The following FMO5 variants were observed in gnomAD, a reference collection of about 807,000 sequenced individuals.
The protein encoded by FMO5 is flavin-containing monooxygenase 5.
FMO5 carries 51 observed loss-of-function variants against 43.6 expected under a neutral mutation model. The observed-to-expected ratio is 1.17, with a 90% CI of 0.93 to 1.48. The LOEUF is 1.48. Ranked by LOEUF, FMO5 falls within the 40% of genes most tolerant of loss-of-function variation. The pLI is 0.00. For missense variants in FMO5, 644 were observed against 643.0 expected (o/e 1.00, Z -0.02); for synonymous variants, 187 against 216.5 (o/e 0.86, Z 1.20).
Position 147,190,222 on chromosome 1 carries a change from T to G in FMO5, c.1211A>C (p.Glu404Ala), listed in dbSNP as rs922635792. The G allele has an allele frequency of 2.5e-6, 4 of 1,611,562 alleles. No individual in the cohort carries two copies. Among genetic ancestry groups the G allele is most frequent in the Non-Finnish European group, 3.4e-6 (4 of 1,178,294 alleles). ...KGLKTLPSQS[E>A]MMAEISKAQE... is the part of the protein sequence containing the mutation. The stretch of plus-strand genomic sequence containing the variant: ...AGCTTTAGATATTTCTGCCATCATT[T>G]CACTCTGTGAGGGCAATGTCTTTAG... Residue 404 changes from glutamate to alanine, a missense_variant, in exon 8 of 9, where the codon GAA becomes GCA. Glu to Ala is a moderately radical substitution (Grantham distance 107, BLOSUM62 -1). Transcript: ENST00000254090.
chr1:147,193,528 T>A (rs1179432954), intron 7 of FMO5, among the ~76,000 whole-genome samples: 1 of 152,178 alleles, frequency 6.6e-6, no homozygotes, highest in Non-Finnish European at 1.5e-5. Flanking sequence ...CTGATTTTAG[T>A]TATTTCTTGC....
intron 6 of FMO5, among the ~76,000 whole-genome samples, chr1:147,206,359 C>T (rs587744204): frequency 1.2e-3 from 184 of 152,198 alleles, no homozygotes; most frequent in African/African-American, 3.8e-3. Flanking sequence ...GACAGTGTGG[C>T]GATTCCTCAA....
intron 7 of FMO5, among the ~76,000 whole-genome samples, chr1:147,198,162 A>G (rs1402600458): frequency 6.6e-6 from 1 of 152,212 alleles, no homozygotes; most frequent in Admixed American, 6.5e-5. Context: ...ATAACTGGAA[A>G]TTGGCTAAGG....
intron 5 of FMO5, among the ~76,000 whole-genome samples, chr1:147,209,292 G>A (rs895393445): frequency 5.9e-5 from 9 of 152,016 alleles, no homozygotes; most frequent in African/African-American, 2.2e-4. Context: ...CAAAAAATTA[G>A]CCAGGCGTGG....
At chr1:147,197,746 A>G (rs1331625877) in intron 7 of FMO5, among the ~76,000 whole-genome samples, 1 of 152,172 alleles carries the variant, frequency 6.6e-6, no homozygotes, top group African/African-American at 2.4e-5. Flanking sequence ...ACTCAGCCTC[A>G]GGCAGTTCTT....
chr1:147,209,282 C>T (rs1484220138), intron 5 of FMO5, among the ~76,000 whole-genome samples: 1 of 151,892 alleles, frequency 6.6e-6, no homozygotes, highest in Admixed American at 6.6e-5. Flanking sequence ...ACTAAAAATA[C>T]AAAAAATTAG....
At chr1:147,194,931 G>A (rs149166812) in intron 7 of FMO5, among the ~76,000 whole-genome samples, 27,528 of 151,708 alleles carry the variant, frequency 0.18, 3,165 homozygotes, top group South Asian at 0.26. Context: ...CTCTCTGGCT[G>A]CCCTTAACAT....
rs782444225 is a variant in FMO5, at chr1:147,190,183, T to C, written c.1250A>G (p.Asp417Gly). ...AEISKAQEEI[D>G]KRYVESQRHT... is the part of the protein sequence containing the mutation. ...TCCTGGGAGAGTTTCTTACCTTTTG[T>C]CAATTTCCTCTTGAGCTTTAGATAT... Residue 417 changes from aspartate to glycine, a missense_variant, in exon 8 of 9, where the codon GAC becomes GGC. Transcript: ENST00000254090. 1.2e-6 allele frequency: 2 copies of C among 1,606,514 alleles called. No homozygotes were observed. The highest frequency in any genetic ancestry group is 4.5e-5 in the East Asian group (2 of 44,722).
intron 2 of FMO5, among the ~76,000 whole-genome samples, chr1:147,216,658 C>T (rs893717468): frequency 6.6e-6 from 1 of 152,110 alleles, no homozygotes; most frequent in Non-Finnish European, 1.5e-5. Flanking sequence ...ATGAGACAAG[C>T]TAAATGCCCA....
At chr1:147,204,851 C>T (rs993594193) in intron 6 of FMO5, 1 of 1,601,824 alleles carries the variant, frequency 6.2e-7, no homozygotes, top group African/African-American at 1.3e-5. Flanking sequence ...CTATACACAG[C>T]CTCTTCTAAT....
intron 6 of FMO5, chr1:147,203,153 A>G (rs1553921433): frequency 9.1e-6 from 5 of 551,318 alleles, no homozygotes; most frequent in Non-Finnish European, 9.4e-6. Flanking sequence ...TTATTATAAC[A>G]TCCAGCCAAG....
chr1:147,193,870 G>A (rs1657409418), intron 7 of FMO5, among the ~76,000 whole-genome samples: 1 of 152,144 alleles, frequency 6.6e-6, no homozygotes, highest in Admixed American at 6.5e-5. Flanking sequence ...TGGTCTGAGA[G>A]ACAGTTTGTT....
At chr1:147,215,451 C>A in intron 3 of FMO5, 1 of 275,074 alleles carries the variant, frequency 3.6e-6, no homozygotes, top group Non-Finnish European at 6.8e-6. Flanking sequence ...CAGTTCCCTT[C>A]TGTAATGGGG....
At chr1:147,204,340 T>C in intron 6 of FMO5, 1 of 991,300 alleles carries the variant, frequency 1.0e-6, no homozygotes, top group Non-Finnish European at 1.6e-6. Flanking sequence ...GTTATCAACT[T>C]TGAAATGGCC....
rs1355574589 is a variant in FMO5, at chr1:147,225,309, A to G, written c.-60T>C. 4 of 555,960 alleles carry G rather than the reference A, an allele frequency of 7.2e-6. No individual in the cohort carries two copies. Among genetic ancestry groups the G allele is most frequent in the Non-Finnish European group, 1.1e-5 (4 of 353,556 alleles). The allele number at this position is 555,960 out of a possible 1,614,324, so 34.4% of individuals were successfully genotyped here. Reference sequence around the variant, plus strand: ...CACCGCCTTTCCTGAAGCGCTCAACAGATCCTTCAGCTGCGATCTGGAGGA... The same window carrying G: ...CACCGCCTTTCCTGAAGCGCTCAACGGATCCTTCAGCTGCGATCTGGAGGA... On this transcript the variant is annotated 5_prime_UTR_variant, in exon 1 of 9. Coordinates refer to ENST00000254090, the MANE Select transcript of FMO5 (RefSeq NM_001461.4).
chr1:147,224,030 G>T lies in FMO5; in HGVS notation c.135+865C>A, dbSNP rs587717981. ...GACTCAGCTGGTGGTGATTGCACAC[G>T]ATGCGGATCCCATCGAGCTGGTTGT... On this transcript the variant is annotated intron_variant, in intron 2 of 8. Coordinates refer to ENST00000254090, the MANE Select transcript of FMO5 (RefSeq NM_001461.4). 20 of 418,180 alleles carry T rather than the reference G, an allele frequency of 4.8e-5. No individual in the cohort carries two copies. The East Asian group carries it at 1.1e-3, about 23-fold the overall frequency. 25.9% of individuals were successfully genotyped at this position (418,180 alleles called of 1,614,324 possible).
chr1:147,209,421 G>C (rs1461545904), intron 5 of FMO5, among the ~76,000 whole-genome samples: 6 of 125,580 alleles, frequency 4.8e-5, no homozygotes, highest in Non-Finnish European at 8.1e-5. Context: ...CTGGGCAACA[G>C]AGTGAGACTC....
chr1:147,209,077 T>A (rs1428849003), intron 5 of FMO5, 26 bp from the exon 6 acceptor site: 1 of 1,598,828 alleles, frequency 6.3e-7, no homozygotes, highest in Non-Finnish European at 8.6e-7. Context: ...AATTGTTTGC[T>A]TTTGTCACTC....
intron 2 of FMO5, among the ~76,000 whole-genome samples, chr1:147,222,008 A>G (rs1158066021): frequency 6.6e-6 from 1 of 152,186 alleles, no homozygotes; most frequent in African/African-American, 2.4e-5. Context: ...TTCTCTCTAC[A>G]AACTCTATAC....
Sources: allele counts gnomAD v4.1 joint callset (sites outside exome capture counted in the v4.1 genomes callset), GRCh38; gene constraint gnomAD v4.1.1; transcripts MANE v1.5; gene names NCBI Gene and HGNC (gene_info 2026-07-23, HGNC 2026-07-21).